The following RFFL variants were observed in gnomAD, a reference collection of about 807,000 sequenced individuals.
The protein encoded by RFFL is E3 ubiquitin-protein ligase rififylin.
RFFL carries 16 observed loss-of-function variants against 40.4 expected under a neutral mutation model. The ratio of observed to expected loss-of-function variants is 0.40; its 90% CI spans 0.27 to 0.60. The LOEUF is 0.60. Ranked by LOEUF, RFFL falls within the 20% of genes least tolerant of loss-of-function variation. The pLI is 0.47. For missense variants in RFFL, 367 were observed against 451.7 expected (o/e 0.81, Z 1.70); for synonymous variants, 154 against 167.9 (o/e 0.92, Z 0.64).
chr17:35,015,360 G>T (rs1001118060), intron 5 of RFFL, among the ~76,000 whole-genome samples: 2 of 152,228 alleles, frequency 1.3e-5, no homozygotes. Flanking sequence ...CTATTTTGAA[G>T]TCAGCATTAA....
chr17:35,033,938 C>A (rs908845075), intron 1 of RFFL, among the ~76,000 whole-genome samples: 1 of 151,690 alleles, frequency 6.6e-6, no homozygotes, highest in Non-Finnish European at 1.5e-5. Flanking sequence ...GTCAGGAGAT[C>A]GAGACCATCC....
At chr17:35,053,057 A>T (rs2091240786) in intron 1 of RFFL, among the ~76,000 whole-genome samples, 1 of 152,218 alleles carries the variant, frequency 6.6e-6, no homozygotes, top group African/African-American at 2.4e-5. Context: ...TCTAAATTGG[A>T]TAGGTGGACT....
rs150553401 is a variant in RFFL, at chr17:35,027,894, G to C, written c.-8-1333C>G. Among the ~76,000 whole-genome samples the C allele has an allele frequency of 0.011, 1,719 of 152,092 alleles. 114 individuals carry two copies. In the East Asian group the frequency reaches 0.18, roughly 16 times the overall value. On this transcript the variant is annotated intron_variant, in intron 1 of 6. Transcript: ENST00000394597. ...CTAAAAATATAAAAATTAGCTGGGCGGGGTGGCAGGCGCCTGTAACCCCAG... is the reference window on the plus strand; with the variant it reads ...CTAAAAATATAAAAATTAGCTGGGCCGGGTGGCAGGCGCCTGTAACCCCAG...
chr17:35,057,864 C>T (rs2091269619), intron 1 of RFFL, among the ~76,000 whole-genome samples: 1 of 151,890 alleles, frequency 6.6e-6, no homozygotes, highest in South Asian at 2.1e-4. Context: ...CAATCAACCA[C>T]TTATTCATTC....
At chr17:35,056,874 G>A (rs754745889) in intron 1 of RFFL, among the ~76,000 whole-genome samples, 6 of 150,256 alleles carry the variant, frequency 4.0e-5, no homozygotes, top group Non-Finnish European at 8.9e-5. Flanking sequence ...GTCACTTTCT[G>A]TTTTAAGCCT....
chr17:35,085,872 AGGAAG>A (rs1420891881), intron 1 of RFFL, among the ~76,000 whole-genome samples: 15 of 152,252 alleles, frequency 9.9e-5, no homozygotes. Context: ...AGAAAAGTAA[AGGAAG>A]AACTTCATGA....
In RFFL at chr17:35,083,307, G is replaced by C. The variant is rs555293396; in HGVS notation, c.-9+5798C>G. Among the ~76,000 whole-genome samples, 61 of 152,294 alleles carry C rather than the reference G, an allele frequency of 4.0e-4. 1 individual carries two copies. In the South Asian group the frequency reaches 0.012, roughly 29 times the overall value. ...ATGACTCCTGATAGATAATACAGCA[G>C]AGGAGGCCTCACTGTAAAGCAATTT... On this transcript the variant is annotated intron_variant, in intron 1 of 6. Transcript: ENST00000315249.
At chr17:35,040,430 C>G (rs1331292758) in intron 1 of RFFL, among the ~76,000 whole-genome samples, 2 of 151,682 alleles carry the variant, frequency 1.3e-5, no homozygotes, top group African/African-American at 4.8e-5. Flanking sequence ...GGTGAAACCC[C>G]GTCTCTACTA....
chr17:35,027,405 G>T (rs571567404), intron 1 of RFFL, among the ~76,000 whole-genome samples: 1 of 152,272 alleles, frequency 6.6e-6, no homozygotes, highest in South Asian at 2.1e-4. Context: ...CTTCCTTACT[G>T]AATCAGAGCC....
chr17:35,023,090 C>A (rs747330720), intron 2 of RFFL, among the ~76,000 whole-genome samples: 1 of 152,252 alleles, frequency 6.6e-6, no homozygotes, highest in Non-Finnish European at 1.5e-5. Context: ...CCTGAGCACA[C>A]TGGGATTGGC....
intron 1 of RFFL, among the ~76,000 whole-genome samples, chr17:35,054,806 G>A (rs1427660863): frequency 3.9e-5 from 6 of 152,086 alleles, no homozygotes; most frequent in East Asian, 1.9e-4. Flanking sequence ...TTCCCTAAGC[G>A]TCATTTTTCT....
intron 1 of RFFL, among the ~76,000 whole-genome samples, chr17:35,054,633 C>G (rs914474111): frequency 6.6e-6 from 1 of 151,238 alleles, no homozygotes; most frequent in Non-Finnish European, 1.5e-5. Context: ...ATTCATACAG[C>G]TGGGGTAAGC....
chr17:35,050,081 CAAA>C (rs35308985), intron 1 of RFFL, among the ~76,000 whole-genome samples: 3 of 116,508 alleles, frequency 2.6e-5, no homozygotes, highest in Admixed American at 9.1e-5. Context: ...GACTCCATCT[CAAA>C]AAAAAAAAAA....
intron 1 of RFFL, among the ~76,000 whole-genome samples, chr17:35,034,016 G>A (rs950557798): frequency 2.0e-5 from 3 of 151,796 alleles, no homozygotes; most frequent in Admixed American, 1.3e-4. Context: ...GGTGGCGGGC[G>A]CCTGTAGTCC....
At chr17:35,041,296 C>A (rs2091163758) in intron 1 of RFFL, among the ~76,000 whole-genome samples, 1 of 152,010 alleles carries the variant, frequency 6.6e-6, no homozygotes, top group East Asian at 1.9e-4. Flanking sequence ...CTCCCCTCAA[C>A]ACACACACTT....
chr17:35,085,859 A>G (rs73989540), intron 1 of RFFL, among the ~76,000 whole-genome samples: 1 of 152,370 alleles, frequency 6.6e-6, no homozygotes, highest in Non-Finnish European at 1.5e-5. Flanking sequence ...TTCACCCTGC[A>G]TAAGAAAAGT....
At chr17:35,022,626 C>T (rs1435378705) in intron 2 of RFFL, among the ~76,000 whole-genome samples, 2 of 152,148 alleles carry the variant, frequency 1.3e-5, no homozygotes, top group Admixed American at 1.3e-4. Context: ...ACATTCTTTC[C>T]ACCAGGCCAT....
At chr17:35,014,891 AG>A in intron 5 of RFFL, 128 bp from the exon 6 acceptor site, 1 of 855,568 alleles carries the variant, frequency 1.2e-6, no homozygotes, top group South Asian at 1.4e-5. Context: ...CCAAGAGCCT[AG>A]ATGGACATCT....
chr17:35,043,492 C>T (rs903671661), intron 1 of RFFL, among the ~76,000 whole-genome samples: 3 of 152,158 alleles, frequency 2.0e-5, no homozygotes, highest in Non-Finnish European at 4.4e-5. Context: ...GCTTCCAGAG[C>T]CTCCTTTCAC....
Sources: gnomAD v4.1 joint callset for allele counts (sites outside exome capture counted in the v4.1 genomes callset) on GRCh38, gnomAD v4.1.1 for gene constraint, MANE v1.5 for transcripts, NCBI Gene and HGNC (gene_info 2026-07-23, HGNC 2026-07-21) for gene names.